Variants in CLDN10 observed in about 807,000 individuals in gnomAD.
CLDN10 encodes claudin-10.
In CLDN10, 15 loss-of-function variants were observed where a neutral mutation model predicts 22.9. The ratio of observed to expected loss-of-function variants is 0.65; its 90% CI spans 0.44 to 1.01. CLDN10 has a LOEUF of 1.01. Among genes scored for constraint, CLDN10 ranks in the 50% least tolerant of loss-of-function variants. The pLI, the probability that CLDN10 is intolerant of heterozygous loss-of-function variation, is 0.00. For synonymous variants in CLDN10, 114 were observed against 111.4 expected, an observed-to-expected ratio of 1.02 and a Z score of -0.15; for missense variants, 247 against 287.8, an observed-to-expected ratio of 0.86 and a Z score of 1.03.
chr13:95,564,266 T>G (rs961306596), intron 3 of CLDN10, among the ~76,000 whole-genome samples: 1 of 152,174 alleles, frequency 6.6e-6, no homozygotes, highest in African/African-American at 2.4e-5. Flanking sequence ...GACCTAGTCC[T>G]TTCAGAATTA....
chr13:95,474,540 G>T (rs147755885), intron 1 of CLDN10, among the ~76,000 whole-genome samples: 156 of 152,318 alleles, frequency 1.0e-3, no homozygotes, highest in Non-Finnish European at 1.8e-3. Flanking sequence ...ACAGAGCGGA[G>T]AAATAGGCCC....
At chr13:95,566,587 T>C (rs1040311708) in intron 3 of CLDN10, among the ~76,000 whole-genome samples, 1 of 152,250 alleles carries the variant, frequency 6.6e-6, no homozygotes. Flanking sequence ...TTCACTCTGA[T>C]GGCAGTTTCT....
intron 1 of CLDN10, among the ~76,000 whole-genome samples, chr13:95,544,611 A>G (rs1214556096): frequency 6.6e-6 from 1 of 152,170 alleles, no homozygotes; most frequent in Admixed American, 6.5e-5. Context: ...ATCAGCATAC[A>G]ATTCCACTGT....
At chr13:95,470,420 A>G (rs943932656) in intron 1 of CLDN10, among the ~76,000 whole-genome samples, 1 of 152,136 alleles carries the variant, frequency 6.6e-6, no homozygotes, top group Non-Finnish European at 1.5e-5. Flanking sequence ...GCTGGATGAG[A>G]GACCTGTATT....
At chr13:95,465,474 T>A (rs562391869) in intron 1 of CLDN10, among the ~76,000 whole-genome samples, 10 of 152,334 alleles carry the variant, frequency 6.6e-5, no homozygotes, top group African/African-American at 2.2e-4. Context: ...ACTTTAAGGT[T>A]AAGTAATTTG....
At chr13:95,471,649 A>C (rs983148398) in intron 1 of CLDN10, among the ~76,000 whole-genome samples, 1 of 151,692 alleles carries the variant, frequency 6.6e-6, no homozygotes, top group African/African-American at 2.4e-5. Context: ...ACAGGGTTTC[A>C]CCATGTTGGC....
At chr13:95,552,654 GGGCGGA>G (rs932248891), upstream of CLDN10, 8 of 1,380,646 alleles carry the variant, frequency 5.8e-6, no homozygotes, top group Admixed American at 2.9e-5. Context: ...CGGGGACGGT[GGGCGGA>G]GGCGGAGGCG....
At chr13:95,475,562 G>A (rs1190239678) in intron 1 of CLDN10, among the ~76,000 whole-genome samples, 1 of 152,198 alleles carries the variant, frequency 6.6e-6, no homozygotes, top group African/African-American at 2.4e-5. Context: ...GGAGGGAAGT[G>A]GCCAGCAGGG....
At chr13:95,461,271 G>A (rs1036260256) in intron 1 of CLDN10, among the ~76,000 whole-genome samples, 1 of 152,144 alleles carries the variant, frequency 6.6e-6, no homozygotes, top group Non-Finnish European at 1.5e-5. Flanking sequence ...TTAAATAATA[G>A]TGTGACCTTG....
At chr13:95,445,803 C>G (rs1384301523) in intron 1 of CLDN10, among the ~76,000 whole-genome samples, 1 of 152,056 alleles carries the variant, frequency 6.6e-6, no homozygotes, top group African/African-American at 2.4e-5. Flanking sequence ...GAAAATGTGA[C>G]AGCTACAAAG....
intron 1 of CLDN10, among the ~76,000 whole-genome samples, 162 bp from the exon 2 acceptor site, chr13:95,559,970 G>A (rs533891836): frequency 2.6e-5 from 4 of 152,350 alleles, no homozygotes; most frequent in East Asian, 3.9e-4. Context: ...GGCACTCCCT[G>A]TAGATTAACT....
chr13:95,496,700 G>A (rs1239685763), intron 1 of CLDN10, among the ~76,000 whole-genome samples: 1 of 152,144 alleles, frequency 6.6e-6, no homozygotes, highest in Non-Finnish European at 1.5e-5. Flanking sequence ...CTTCTTGTAA[G>A]GGCACTAATC....
intron 1 of CLDN10, among the ~76,000 whole-genome samples, chr13:95,480,920 G>A (rs542789721): frequency 6.6e-6 from 1 of 152,284 alleles, no homozygotes; most frequent in East Asian, 1.9e-4. Context: ...GGGCTCTATA[G>A]CCCAAGCCAG....
chr13:95,473,162 A>AAAAAAG (rs1566287965), intron 1 of CLDN10, among the ~76,000 whole-genome samples: 1 of 73,444 alleles, frequency 1.4e-5, no homozygotes, highest in African/African-American at 1.6e-4. Flanking sequence ...AAAAAAAAGG[A>AAAAAAG]GAGAGAGAGA....
chr13:95,462,156 G>T (rs187462826), intron 1 of CLDN10, among the ~76,000 whole-genome samples: 17 of 152,212 alleles, frequency 1.1e-4, no homozygotes, highest in Admixed American at 3.3e-4. Context: ...GAATTTTGTT[G>T]GGTAAAGCCT....
Position 95,507,621 on chromosome 13 carries a change from A to C in CLDN10, c.215-52511A>C, listed in dbSNP as rs1332093226. On this transcript the variant is annotated intron_variant, in intron 1 of 4. Coordinates refer to the CLDN10 transcript ENST00000376873. ...GGGCAACATAGTGACACCTGCAAAAAAAAAAATTTTTTTTTTTTTGAGACA... is the reference window on the plus strand; with the variant it reads ...GGGCAACATAGTGACACCTGCAAAACAAAAAATTTTTTTTTTTTTGAGACA... Among the ~76,000 whole-genome samples the C allele has an allele frequency of 2.0e-5, 3 of 151,666 alleles. No homozygotes were observed. In the East Asian group the frequency reaches 5.8e-4, roughly 30 times the overall value.
rs542775312 is a variant in CLDN10 at position 95,523,706 on chromosome 13, A to G, written c.215-36426A>G. Among the ~76,000 whole-genome samples, 4 of 152,326 alleles carry G rather than the reference A, an allele frequency of 2.6e-5. No homozygotes were observed. The South Asian group carries it at 8.3e-4, about 32-fold the overall frequency. On this transcript the variant is annotated intron_variant, in intron 1 of 4. Coordinates refer to the CLDN10 transcript ENST00000376873. ...ATTCTCCTGCCTCAGCCTCCTGAGTAGCTGAGATTACAGGAGCAAGCCACC... is the reference window on the plus strand; with the variant it reads ...ATTCTCCTGCCTCAGCCTCCTGAGTGGCTGAGATTACAGGAGCAAGCCACC...
rs1056070859 is a variant in CLDN10, at chr13:95,520,841, G to A, written c.215-39291G>A. Among the ~76,000 whole-genome samples, 12 of 152,078 alleles carry A rather than the reference G, an allele frequency of 7.9e-5. No individual in the cohort carries two copies. The East Asian group carries it at 9.7e-4, about 12-fold the overall frequency. On this transcript the variant is annotated intron_variant, in intron 1 of 4. Transcript: ENST00000376873. The stretch of plus-strand genomic sequence containing the variant: ...CTAAAAATACAAAAATTAGCTGGGC[G>A]TAGTGGCATGCGCCTGTAGTCCCAG...
intron 1 of CLDN10, among the ~76,000 whole-genome samples, chr13:95,537,788 C>T (rs915303280): frequency 6.6e-6 from 1 of 152,192 alleles, no homozygotes; most frequent in East Asian, 1.9e-4. Flanking sequence ...GGTGCGGTAG[C>T]CATGAACACT....
Sources: gnomAD v4.1 joint callset for allele counts (sites outside exome capture counted in the v4.1 genomes callset) on GRCh38, gnomAD v4.1.1 for gene constraint, MANE v1.5 for transcripts, NCBI Gene and HGNC (gene_info 2026-07-23, HGNC 2026-07-21) for gene names.